Variants in CSNK1G3 observed in about 807,000 individuals in gnomAD.
The protein encoded by CSNK1G3 is casein kinase 1 gamma 3, also known as casein kinase I isoform gamma-3.
CSNK1G3 carries 23 observed loss-of-function variants against 64.3 expected under a neutral mutation model. The ratio of observed to expected loss-of-function variants is 0.36; its 90% CI spans 0.26 to 0.51. The LOEUF is 0.51. CSNK1G3 is among the 20% of genes least tolerant of loss of function. The pLI, the probability that CSNK1G3 is intolerant of heterozygous loss-of-function variation, is 0.96. For synonymous variants in CSNK1G3, 158 were observed against 162.2 expected (o/e 0.97, Z 0.20); for missense variants, 357 against 510.5 (o/e 0.70, Z 2.90).
chr5:123,562,989 T>C (rs987418362), intron 4 of CSNK1G3, among the ~76,000 whole-genome samples: 16 of 152,084 alleles, frequency 1.1e-4, no homozygotes, highest in Admixed American at 8.5e-4. Context: ...AAATTGTTTT[T>C]GGAGGTCTGT....
Position 123,588,035 on chromosome 5 carries a change from A to T in CSNK1G3, c.674-33A>T, listed in dbSNP as rs766079654. On this transcript the variant is annotated intron_variant, in intron 6 of 12. Transcript: ENST00000345990. The stretch of plus-strand genomic sequence containing the variant: ...ATTCTTCCATTCTTAACTGTTAGAG[A>T]AAAGTGAAATTTATATTTCTTTTGT... 8.0e-6 allele frequency: 11 copies of T among 1,382,282 alleles called. No homozygotes were observed. The South Asian group carries it at 1.2e-4, about 14-fold the overall frequency. 85.6% of individuals were successfully genotyped at this position (1,382,282 alleles called of 1,614,324 possible). A position where few individuals can be genotyped will look rare whatever the true frequency, so the allele number is the denominator to read the frequency against.
At chr5:123,537,964 T>A (rs529987601) in intron 1 of CSNK1G3, among the ~76,000 whole-genome samples, 62 of 152,282 alleles carry the variant, frequency 4.1e-4, no homozygotes, top group Middle Eastern at 3.4e-3. Context: ...CTTCTTTTCC[T>A]CAGTCTAATA....
intron 4 of CSNK1G3, among the ~76,000 whole-genome samples, chr5:123,565,012 C>T (rs1263970046): frequency 6.6e-6 from 1 of 151,874 alleles, no homozygotes; most frequent in Non-Finnish European, 1.5e-5. Context: ...TAGAAATTAA[C>T]ACAGAAATAT....
At chr5:123,546,564 T>C (rs925924254) in intron 2 of CSNK1G3, among the ~76,000 whole-genome samples, 1 of 152,046 alleles carries the variant, frequency 6.6e-6, no homozygotes, top group Non-Finnish European at 1.5e-5. Flanking sequence ...GCTTTTCCAT[T>C]GCAAAAAACT....
chr5:123,595,205 T>C (rs1356841717), intron 10 of CSNK1G3, 71 bp downstream of exon 11: 30 of 1,323,822 alleles, frequency 2.3e-5, no homozygotes, highest in Non-Finnish European at 3.2e-5. Context: ...TTGGAACTCA[T>C]GGCATGATTT....
intron 1 of CSNK1G3, among the ~76,000 whole-genome samples, chr5:123,536,255 A>G (rs1780783127): frequency 1.3e-5 from 2 of 152,212 alleles, no homozygotes; most frequent in East Asian, 3.9e-4. Context: ...GGGTATGGAT[A>G]TCCCAAGGGA....
chr5:123,573,307 A>G lies in CSNK1G3; in HGVS notation c.290-86A>G, dbSNP rs983864386. On this transcript the variant is annotated intron_variant, in intron 4 of 12. Coordinates refer to ENST00000345990, the Ensembl canonical transcript of CSNK1G3. ...TAGTACTGCTTTAGTTCTTGAAACT[A>G]TAAAATTTTAAATATCAGTTTTTAA... 2.1e-6 allele frequency: 3 copies of G among 1,418,662 alleles called. No homozygotes were observed. In the African/African-American group the frequency reaches 4.3e-5, roughly 20 times the overall value. The allele number at this position is 1,418,662 out of a possible 1,614,324, so 87.9% of individuals were successfully genotyped here.
chr5:123,561,435 A>G (rs1785692090), intron 4 of CSNK1G3, among the ~76,000 whole-genome samples: 1 of 152,206 alleles, frequency 6.6e-6, no homozygotes, highest in South Asian at 2.1e-4. Flanking sequence ...ACTCTTAATA[A>G]CAAAAGTTGT....
rs144046541 is a variant in CSNK1G3 at position 123,602,817 on chromosome 5, T to G, written c.1087-1907T>G. ...TGAGAGTTGAAGCCATCATTATAGA[T>G]AAAACATAGTGATAATGATGGCCAC... is the stretch of plus-strand genomic sequence containing the variant. On this transcript the variant is annotated intron_variant, in intron 10 of 12. Transcript: ENST00000345990. Among the ~76,000 whole-genome samples, 850 of 152,208 alleles carry G rather than the reference T, an allele frequency of 5.6e-3. 8 individuals are homozygous for G. The highest frequency in any genetic ancestry group is 8.7e-3 in the Non-Finnish European group (594 of 67,984).
chr5:123,523,819 TCTGAA>T (rs1203823278), intron 1 of CSNK1G3, among the ~76,000 whole-genome samples: 1 of 152,240 alleles, frequency 6.6e-6, no homozygotes, highest in Non-Finnish European at 1.5e-5. Flanking sequence ...CAAAATCTGT[TCTGAA>T]CTGTTCTCTT....
chr5:123,589,902 GA>G (rs567501248), intron 8 of CSNK1G3, among the ~76,000 whole-genome samples: 9 of 152,178 alleles, frequency 5.9e-5, no homozygotes, highest in Admixed American at 2.6e-4. Context: ...TAATTGGTTA[GA>G]ATACTGCTCA....
chr5:123,569,940 C>A (rs1392516373), intron 4 of CSNK1G3, among the ~76,000 whole-genome samples: 1 of 152,100 alleles, frequency 6.6e-6, no homozygotes, highest in Non-Finnish European at 1.5e-5. Flanking sequence ...AAATCAGATG[C>A]TTTCTTAGCA....
At chr5:123,577,852 A>G (rs908851851) in intron 6 of CSNK1G3, among the ~76,000 whole-genome samples, 3 of 151,906 alleles carry the variant, frequency 2.0e-5, no homozygotes, top group Non-Finnish European at 2.9e-5. Context: ...TCATTATCCT[A>G]TAGACTTCCA....
At chr5:123,585,670 C>T (rs1464202620) in intron 6 of CSNK1G3, among the ~76,000 whole-genome samples, 1 of 152,118 alleles carries the variant, frequency 6.6e-6, no homozygotes, top group Non-Finnish European at 1.5e-5. Flanking sequence ...AAATAAAGTT[C>T]AGTGTTAGTC....
At chr5:123,594,016 A>G (rs968881438) in intron 10 of CSNK1G3, among the ~76,000 whole-genome samples, 2 of 152,082 alleles carry the variant, frequency 1.3e-5, no homozygotes, top group Admixed American at 6.6e-5. Flanking sequence ...TTGGAAGAGC[A>G]TTATGCTCTG....
At chr5:123,524,761 G>C (rs1414892802) in intron 1 of CSNK1G3, among the ~76,000 whole-genome samples, 1 of 152,134 alleles carries the variant, frequency 6.6e-6, no homozygotes, top group African/African-American at 2.4e-5. Context: ...TAGTATTATA[G>C]TTTTCTGAAG....
chr5:123,572,251 C>T lies in CSNK1G3; in HGVS notation c.290-1142C>T, dbSNP rs375437721. On this transcript the variant is annotated intron_variant, in intron 4 of 12. Transcript: ENST00000345990. ...AGCTCTGTTTGTCAGGGTTTTAATACAAGTGACTCTGTTTTGATTCTGACA... is the reference window on the plus strand; with the variant it reads ...AGCTCTGTTTGTCAGGGTTTTAATATAAGTGACTCTGTTTTGATTCTGACA... Among the ~76,000 whole-genome samples, 4 of 152,058 alleles carry T rather than the reference C, an allele frequency of 2.6e-5. No homozygotes were observed. In the East Asian group the frequency reaches 7.7e-4, roughly 29 times the overall value.
intron 1 of CSNK1G3, among the ~76,000 whole-genome samples, chr5:123,513,216 G>A (rs1240714992): frequency 1.3e-5 from 2 of 152,084 alleles, no homozygotes; most frequent in Non-Finnish European, 2.9e-5. Context: ...TCATGGTGCC[G>A]GTTTGTTTGT....
In CSNK1G3 at chr5:123,520,113, CAT is replaced by C. The variant is rs369879377; in HGVS notation, c.-248+7544_-248+7545del. The stretch of plus-strand genomic sequence containing the variant: ...ACAGAAAGACAGGCAGACACACACA[CAT>C]GGAATAATCTTAAACCTAGCCTGCT... On this transcript the variant is annotated intron_variant, in intron 1 of 12. Coordinates refer to ENST00000345990, the Ensembl canonical transcript of CSNK1G3. 1.3e-3 allele frequency among the ~76,000 whole-genome samples: 204 copies of C among 152,250 alleles called. 1 individual carries two copies. Among genetic ancestry groups the C allele is most frequent in the African/African-American group, 4.8e-3 (200 of 41,530 alleles).
Sources: allele counts gnomAD v4.1 joint callset (sites outside exome capture counted in the v4.1 genomes callset), GRCh38; gene constraint gnomAD v4.1.1; transcripts MANE v1.5; gene names NCBI Gene and HGNC (gene_info 2026-07-23, HGNC 2026-07-21).